SUGCT: variants seen among roughly 807,000 people sequenced by gnomAD.
The protein encoded by SUGCT is succinyl-CoA:glutarate CoA-transferase.
In SUGCT, 41 loss-of-function variants were observed where a neutral mutation model predicts 55.0. That is an observed-to-expected ratio of 0.74 (90% confidence interval 0.58 to 0.97). SUGCT has a LOEUF of 0.97. Ranked by LOEUF, SUGCT falls within the 50% of genes least tolerant of loss-of-function variation. The pLI, the probability that SUGCT is intolerant of heterozygous loss-of-function variation, is 0.00. For synonymous variants in SUGCT, 187 were observed against 200.4 expected, an observed-to-expected ratio of 0.93 and a Z score of 0.56; for missense variants, 568 against 547.8, an observed-to-expected ratio of 1.04 and a Z score of -0.37.
At chr7:40,390,289 A>G (rs1272936617) in intron 9 of SUGCT, among the ~76,000 whole-genome samples, 3 of 152,342 alleles carry the variant, frequency 2.0e-5, no homozygotes, top group Non-Finnish European at 2.9e-5. Flanking sequence ...GGCCAGGGCA[A>G]TCAGGCAAGA....
intron 8 of SUGCT, among the ~76,000 whole-genome samples, chr7:40,291,036 A>G (rs1290871587): frequency 1.3e-5 from 2 of 152,138 alleles, no homozygotes; most frequent in African/African-American, 4.8e-5. Flanking sequence ...GAGAAATAGG[A>G]ACACTTTTAC....
At chr7:40,772,721 C>T (rs1410609059) in intron 13 of SUGCT, among the ~76,000 whole-genome samples, 1 of 151,950 alleles carries the variant, frequency 6.6e-6, no homozygotes. Flanking sequence ...CCGCAACCTC[C>T]CTGGGCTCAA....
intron 13 of SUGCT, among the ~76,000 whole-genome samples, chr7:40,835,007 A>G (rs904897270): frequency 3.9e-5 from 6 of 152,158 alleles, no homozygotes; most frequent in Admixed American, 1.3e-4. Flanking sequence ...CATTCATTAT[A>G]TAGATTGGAG....
chr7:40,182,073 T>C (rs770749412), intron 3 of SUGCT, 45 bp downstream of exon 3: 3 of 1,122,088 alleles, frequency 2.7e-6, no homozygotes, highest in South Asian at 1.4e-5. Flanking sequence ...AGCTAATAAA[T>C]ATTTTAAAAT....
At chr7:41,004,854 A>G in the SUGCT span, among the ~76,000 whole-genome samples, 1 of 152,212 alleles carries the variant, frequency 6.6e-6, no homozygotes, top group African/African-American at 2.4e-5. Flanking sequence ...GAAACAAGTA[A>G]CTGATCCCTT....
In SUGCT at chr7:40,140,048, A is replaced by G. The variant is rs531766748; in HGVS notation, c.100+4928A>G. Among the ~76,000 whole-genome samples the G allele has an allele frequency of 4.6e-3, 696 of 151,856 alleles. 4 individuals carry two copies. Among genetic ancestry groups the G allele is most frequent in the Non-Finnish European group, 8.2e-3 (560 of 67,940 alleles). ...CTCCCAAGTAGCTGGGATTACAGGC[A>G]TGCGCCACCATGCCCCGCGAATTTT... On this transcript the variant is annotated intron_variant, in intron 1 of 13. Coordinates refer to ENST00000335693, the MANE Select transcript of SUGCT (RefSeq NM_001193313.2).
At chr7:40,746,413 G>A (rs1562977421) in intron 12 of SUGCT, among the ~76,000 whole-genome samples, 2 of 152,136 alleles carry the variant, frequency 1.3e-5, no homozygotes, top group Non-Finnish European at 1.5e-5. Context: ...AAAGGTTGGC[G>A]GCAACCAAGC....
At chr7:40,900,669 C>G in the SUGCT span, among the ~76,000 whole-genome samples, 2 of 152,176 alleles carry the variant, frequency 1.3e-5, no homozygotes, top group African/African-American at 4.8e-5. Context: ...CAGTGAAGAG[C>G]ACGTCATACT....
the SUGCT span, among the ~76,000 whole-genome samples, chr7:40,952,049 G>A: frequency 6.6e-6 from 1 of 152,142 alleles, no homozygotes; most frequent in African/African-American, 2.4e-5. Context: ...TGTTGGCAGT[G>A]GGGTGTTAAA....
the SUGCT span, among the ~76,000 whole-genome samples, chr7:40,961,686 T>C: frequency 1.3e-5 from 2 of 152,212 alleles, no homozygotes; most frequent in Non-Finnish European, 2.9e-5. Flanking sequence ...TTAAAGATGG[T>C]GTGTCTGGAG....
chr7:40,751,211 A>G (rs1282705662), intron 13 of SUGCT, among the ~76,000 whole-genome samples: 2 of 152,094 alleles, frequency 1.3e-5, no homozygotes, highest in African/African-American at 4.8e-5. Flanking sequence ...CATGGGAGAA[A>G]ACCCCGAGGT....
At position 40,185,917 on chromosome 7, in the gene SUGCT, G is replaced by C. The variant is rs1258644207; in HGVS notation, c.227-2578G>C. Among the ~76,000 whole-genome samples the C allele has an allele frequency of 2.0e-5, 3 of 151,792 alleles. No homozygotes were observed. In the South Asian group the frequency reaches 6.2e-4, roughly 32 times the overall value. ...TCATATTATATATTTAATTGTTTTG[G>C]GTTTTTGAGATAGTTATTCAACACA... On this transcript the variant is annotated intron_variant, in intron 3 of 13. Coordinates refer to ENST00000335693, the MANE Select transcript of SUGCT (RefSeq NM_001193313.2).
intron 9 of SUGCT, among the ~76,000 whole-genome samples, chr7:40,364,269 A>G (rs1472303574): frequency 6.6e-6 from 1 of 151,994 alleles, no homozygotes; most frequent in Non-Finnish European, 1.5e-5. Context: ...TCTTTATCCA[A>G]TTTGCCAGTC....
intron 9 of SUGCT, among the ~76,000 whole-genome samples, chr7:40,338,614 C>G (rs1404637810): frequency 6.6e-6 from 1 of 152,148 alleles, no homozygotes. Flanking sequence ...CATTTAAGGT[C>G]TTCTCTACAC....
Position 40,439,061 on chromosome 7 carries a change from G to GGTATATATATATGTGT in SUGCT, c.817-10224_817-10223insATATATATATGTGTGT, listed in dbSNP as rs5883731. Among the ~76,000 whole-genome samples the GGTATATATATATGTGT allele has an allele frequency of 1.2e-3, 63 of 51,868 alleles. 3 individuals carry two copies. The highest frequency in any genetic ancestry group is 5.8e-3 in the African/African-American group (49 of 8,430). The allele number at this position is 51,868 out of a possible 152,430, so 34.0% of individuals were successfully genotyped here. ...GTATATATATATATGGTATATATAT[G>GGTATATATATATGTGT]GTGTATATATATATATATATATATA... is the stretch of plus-strand genomic sequence containing the variant. On this transcript the variant is annotated intron_variant, in intron 9 of 13. Transcript: ENST00000335693.
At chr7:40,673,114 T>A (rs1327711993) in intron 12 of SUGCT, among the ~76,000 whole-genome samples, 1 of 152,242 alleles carries the variant, frequency 6.6e-6, no homozygotes, top group African/African-American at 2.4e-5. Flanking sequence ...TTATAACTAG[T>A]TTTGTTCCAT....
At chr7:40,988,694 C>T in the SUGCT span, among the ~76,000 whole-genome samples, 5 of 152,064 alleles carry the variant, frequency 3.3e-5, no homozygotes, top group South Asian at 4.2e-4. Flanking sequence ...TTGAGAAAAG[C>T]GTTAAAGATA....
chr7:40,677,681 C>T (rs544845746), intron 12 of SUGCT, among the ~76,000 whole-genome samples: 5 of 152,096 alleles, frequency 3.3e-5, no homozygotes, highest in Non-Finnish European at 5.9e-5. Context: ...CTAATAAGAA[C>T]GTTCATATCT....
intron 10 of SUGCT, among the ~76,000 whole-genome samples, chr7:40,453,352 A>T (rs1400698572): frequency 6.6e-6 from 1 of 152,166 alleles, no homozygotes. Flanking sequence ...GGGATAACTA[A>T]AGCAGGAGCC....
Sources: allele counts gnomAD v4.1 joint callset (sites outside exome capture counted in the v4.1 genomes callset), GRCh38; gene constraint gnomAD v4.1.1; transcripts MANE v1.5; gene names NCBI Gene and HGNC (gene_info 2026-07-23, HGNC 2026-07-21).